Variants in SH3BGRL2 observed in about 807,000 individuals in gnomAD.
SH3BGRL2 encodes the protein SH3 domain-binding glutamic acid-rich-like protein 2.
SH3BGRL2 carries 21 observed loss-of-function variants against 14.8 expected under a neutral mutation model. The observed-to-expected ratio is 1.42, with a 90% CI of 1.01 to 2.05. The LOEUF is 2.05. SH3BGRL2 is among the 30% of genes most tolerant of loss of function. SH3BGRL2 has a pLI of 0.00. For missense variants in SH3BGRL2, 147 were observed against 130.8 expected, an observed-to-expected ratio of 1.12 and a Z score of -0.61; for synonymous variants, 50 against 47.8, an observed-to-expected ratio of 1.05 and a Z score of -0.19.
intron 1 of SH3BGRL2, among the ~76,000 whole-genome samples, chr6:79,659,717 A>C (rs555016969): frequency 6.6e-6 from 1 of 152,254 alleles, no homozygotes; most frequent in African/African-American, 2.4e-5. Context: ...TTAATCCATA[A>C]ATTACCTTGG....
chr6:79,646,879 T>G (rs1421804086), intron 1 of SH3BGRL2, among the ~76,000 whole-genome samples: 1 of 152,244 alleles, frequency 6.6e-6, no homozygotes, highest in African/African-American at 2.4e-5. Context: ...TTCATTTCTT[T>G]TTATGGCTGA....
chr6:79,544,445 T>G, the SH3BGRL2 span, among the ~76,000 whole-genome samples: 1 of 152,122 alleles, frequency 6.6e-6, no homozygotes, highest in Admixed American at 6.5e-5. Flanking sequence ...TTGTTACATT[T>G]TCAGAAATTT....
the SH3BGRL2 span, among the ~76,000 whole-genome samples, chr6:79,578,738 C>T: frequency 6.6e-6 from 1 of 152,130 alleles, no homozygotes; most frequent in Non-Finnish European, 1.5e-5. Context: ...CAGAGTGCCT[C>T]TTCTCCCACA....
chr6:79,676,982 T>A lies in SH3BGRL2; in HGVS notation c.231+3183T>A, dbSNP rs137913979. On this transcript the variant is annotated intron_variant, in intron 2 of 3. Transcript: ENST00000369838. ...ATCTTCTGTGCTTGAACGGTGTTAGTCCTGTGGTGGTGGTCACGACAGCTA... is the reference window on the plus strand; with the variant it reads ...ATCTTCTGTGCTTGAACGGTGTTAGACCTGTGGTGGTGGTCACGACAGCTA... 2.0e-5 allele frequency among the ~76,000 whole-genome samples: 3 copies of A among 152,282 alleles called. No homozygotes were observed. The East Asian group carries it at 5.8e-4, about 29-fold the overall frequency.
the SH3BGRL2 span, among the ~76,000 whole-genome samples, chr6:79,626,034 G>C: frequency 6.6e-3 from 1,002 of 152,322 alleles, 14 homozygotes; most frequent in Non-Finnish European, 7.4e-3. Context: ...CCCTTGACAA[G>C]TTAAATCCTT....
the SH3BGRL2 span, among the ~76,000 whole-genome samples, chr6:79,590,424 GATATATATATATATATAT>G: frequency 1.4e-3 from 92 of 66,674 alleles, 2 homozygotes; most frequent in African/African-American, 3.5e-3. Context: ...AAGAAAATGT[GATATATATATATATATAT>G]ATATATATAT....
intron 2 of SH3BGRL2, among the ~76,000 whole-genome samples, chr6:79,696,184 A>G (rs1770329559): frequency 6.6e-6 from 1 of 152,198 alleles, no homozygotes; most frequent in African/African-American, 2.4e-5. Context: ...TGATTCACAG[A>G]CAAATGTTAG....
the SH3BGRL2 span, among the ~76,000 whole-genome samples, chr6:79,577,069 C>T: frequency 6.6e-6 from 1 of 151,968 alleles, no homozygotes; most frequent in African/African-American, 2.4e-5. Context: ...TTCCCTCTCT[C>T]TGTCTCTCTT....
intron 2 of SH3BGRL2, among the ~76,000 whole-genome samples, chr6:79,681,035 G>C (rs1175674992): frequency 6.6e-6 from 1 of 152,090 alleles, no homozygotes; most frequent in East Asian, 1.9e-4. Flanking sequence ...ATAGTTTGTG[G>C]ATTAACCCTC....
the SH3BGRL2 span, among the ~76,000 whole-genome samples, chr6:79,588,102 G>T: frequency 6.6e-6 from 1 of 152,044 alleles, no homozygotes; most frequent in East Asian, 1.9e-4. Flanking sequence ...GACCATTCTG[G>T]CTAACATGGT....
At chr6:79,634,240 A>G (rs939960997) in intron 1 of SH3BGRL2, among the ~76,000 whole-genome samples, 1 of 152,208 alleles carries the variant, frequency 6.6e-6, no homozygotes, top group Non-Finnish European at 1.5e-5. Context: ...AATAACTAAC[A>G]CCAAGGAATG....
the SH3BGRL2 span, among the ~76,000 whole-genome samples, chr6:79,607,773 C>T: frequency 2.0e-5 from 3 of 151,990 alleles, no homozygotes; most frequent in African/African-American, 4.8e-5. Flanking sequence ...GGTGAAACCC[C>T]GCCTCTACTA....
At chr6:79,546,201 T>A in the SH3BGRL2 span, among the ~76,000 whole-genome samples, 2 of 152,150 alleles carry the variant, frequency 1.3e-5, no homozygotes, top group African/African-American at 4.8e-5. Context: ...ACCCAAGATA[T>A]TGAGGAAAAT....
the SH3BGRL2 span, among the ~76,000 whole-genome samples, chr6:79,616,654 A>G: frequency 6.6e-6 from 1 of 152,164 alleles, no homozygotes; most frequent in Non-Finnish European, 1.5e-5. Flanking sequence ...TCTTACTAGA[A>G]AGAACAACAA....
intron 3 of SH3BGRL2, among the ~76,000 whole-genome samples, chr6:79,696,766 C>G (rs1199867418): frequency 6.6e-6 from 1 of 152,080 alleles, no homozygotes; most frequent in Admixed American, 6.5e-5. Context: ...CCCAATTCTT[C>G]AGTTGTTGCT....
chr6:79,658,723 C>T (rs1056999651), intron 1 of SH3BGRL2, among the ~76,000 whole-genome samples: 2 of 152,226 alleles, frequency 1.3e-5, no homozygotes, highest in African/African-American at 4.8e-5. Context: ...CCCACACTGT[C>T]TTCTACAATA....
intron 1 of SH3BGRL2, 100 bp from the exon 2 acceptor site, chr6:79,673,514 C>CTTTTTTT: frequency 8.0e-7 from 1 of 1,247,188 alleles, no homozygotes; most frequent in Admixed American, 2.3e-5. Flanking sequence ...TAAATCACCT[C>CTTTTTTT]TTTTTTTGTA....
intron 2 of SH3BGRL2, among the ~76,000 whole-genome samples, chr6:79,692,540 G>A (rs1770242912): frequency 1.3e-5 from 2 of 152,160 alleles, no homozygotes; most frequent in Admixed American, 6.5e-5. Flanking sequence ...TGTATAAGGT[G>A]TAAGGAAGGG....
At chr6:79,588,299 A>AAAG in the SH3BGRL2 span, among the ~76,000 whole-genome samples, 5 of 151,608 alleles carry the variant, frequency 3.3e-5, no homozygotes, top group East Asian at 9.7e-4. Context: ...TAAAAAAAAA[A>AAAG]AAAAAAAACT....
Sources: gnomAD v4.1 joint callset for allele counts (sites outside exome capture counted in the v4.1 genomes callset) on GRCh38, gnomAD v4.1.1 for gene constraint, MANE v1.5 for transcripts, NCBI Gene and HGNC (gene_info 2026-07-23, HGNC 2026-07-21) for gene names.